Variants in SYNE2 observed in about 807,000 individuals in gnomAD.
SYNE2 encodes the protein spectrin repeat containing nuclear envelope protein 2, also known as nesprin-2.
A neutral mutation model predicts 856.3 loss-of-function variants in SYNE2; 431 were observed. That is an observed-to-expected ratio of 0.50 (90% confidence interval 0.47 to 0.55). The LOEUF is 0.55. SYNE2 is among the 20% of genes least tolerant of loss of function. The pLI is 0.00. For synonymous variants in SYNE2, 2,923 were observed against 2,872.3 expected (o/e 1.02, Z -0.56); for missense variants, 8,129 against 8,023.2 (o/e 1.01, Z -0.50).
At chr14:63,933,730 G>C (rs1353157124) in intron 2 of SYNE2, among the ~76,000 whole-genome samples, 1 of 152,134 alleles carries the variant, frequency 6.6e-6, no homozygotes, top group African/African-American at 2.4e-5. Context: ...GTAGTAGATT[G>C]TATTATTCTC....
intron 47 of SYNE2, among the ~76,000 whole-genome samples, chr14:64,050,742 G>GA (rs2097219378): frequency 6.6e-6 from 1 of 152,084 alleles, no homozygotes; most frequent in Non-Finnish European, 1.5e-5. Context: ...TTTTAGGCCA[G>GA]ACGTGGTTGC....
intron 1 of SYNE2, among the ~76,000 whole-genome samples, chr14:63,808,923 T>C (rs1888497098): frequency 6.6e-6 from 1 of 152,108 alleles, no homozygotes; most frequent in African/African-American, 2.4e-5. Context: ...CTCGGGAGGC[T>C]GAGGCAGGAG....
At chr14:64,066,272 G>A (rs2097357787) in intron 51 of SYNE2, among the ~76,000 whole-genome samples, 1 of 152,156 alleles carries the variant, frequency 6.6e-6, no homozygotes, top group South Asian at 2.1e-4. Context: ...GGCTGAGACA[G>A]GAGAATCGCT....
intron 80 of SYNE2, among the ~76,000 whole-genome samples, chr14:64,140,644 C>T (rs1595792319): frequency 6.6e-6 from 1 of 152,276 alleles, no homozygotes; most frequent in East Asian, 1.9e-4. Context: ...GACCCAAAAA[C>T]AACTTTATAA....
Position 64,167,532 on chromosome 14 carries a change from T to C in SYNE2, c.16798T>C (p.Tyr5600His), listed in dbSNP as rs775421588. The change falls in exon 92 of 116, where the codon TAT becomes CAT. Residue 5600 changes from tyrosine (Y) to histidine (H), a missense_variant. By Grantham distance (83) the Tyr-to-His change is moderately conservative (BLOSUM62 2). This residue lies in a region of SYNE2 where 5,410 missense variants were observed against 5,284.8 expected (regional missense o/e 1.02). Coordinates refer to ENST00000555002, the MANE Select transcript of SYNE2 (RefSeq NM_182914.3). ...AATTGGATTGAATGAAAAGTTTCTT[T>C]ATTGCTGTGAAAAGTGGATCCAACT... is the stretch of plus-strand genomic sequence containing the variant. ...QGIGLNEKFL[Y>H]CCEKWIQLLE... 2.6e-5 allele frequency: 42 copies of C among 1,614,136 alleles called. No individual in the cohort carries two copies. In the South Asian group the frequency reaches 3.8e-4, roughly 15 times the overall value.
At chr14:63,839,568 G>A (rs369350861) in intron 1 of SYNE2, among the ~76,000 whole-genome samples, 5 of 152,104 alleles carry the variant, frequency 3.3e-5, no homozygotes, top group Non-Finnish European at 7.3e-5. Context: ...AGTGGCTTAT[G>A]CCTGTAATCC....
intron 94 of SYNE2, 128 bp from the exon 95 acceptor site, chr14:64,174,816 C>G: frequency 1.2e-6 from 1 of 819,744 alleles, no homozygotes. Flanking sequence ...ACATTCTGAC[C>G]CAATTTGTCT....
chr14:63,784,928 A>T (rs757494592), intron 1 of SYNE2, among the ~76,000 whole-genome samples: 2 of 148,022 alleles, frequency 1.4e-5, no homozygotes, highest in African/African-American at 2.5e-5. Flanking sequence ...CATCTACTAA[A>T]TTCAGTGGTG....
At chr14:64,112,968 T>C (rs1401558293) in intron 65 of SYNE2, 4 of 980,878 alleles carry the variant, frequency 4.1e-6, no homozygotes, top group African/African-American at 3.5e-5. Context: ...AATGTAAGCA[T>C]TGCTTAATCA....
chr14:64,154,721 AGGT>A (rs1262912506), intron 85 of SYNE2, among the ~76,000 whole-genome samples: 2 of 145,114 alleles, frequency 1.4e-5, no homozygotes, highest in Non-Finnish European at 3.0e-5. Context: ...TGAGCCTGGG[AGGT>A]GGAAGGAGCA....
chr14:64,177,967 A>T (rs534310772), intron 96 of SYNE2, among the ~76,000 whole-genome samples: 21 of 152,332 alleles, frequency 1.4e-4, no homozygotes, highest in African/African-American at 4.8e-4. Context: ...AACTTCCTGG[A>T]TATTTTAGGC....
chr14:64,056,493 A>G (rs575001796), intron 49 of SYNE2, among the ~76,000 whole-genome samples: 1 of 151,484 alleles, frequency 6.6e-6, no homozygotes, highest in South Asian at 2.1e-4. Context: ...TTTCCTATTT[A>G]ATATTGGGTA....
At chr14:63,966,574 C>CA (rs1325290518) in intron 10 of SYNE2, among the ~76,000 whole-genome samples, 2 of 151,470 alleles carry the variant, frequency 1.3e-5, no homozygotes, top group African/African-American at 2.4e-5. Flanking sequence ...TTTTTCCCCC[C>CA]CCGAGACAGG....
chr14:64,026,799 G>T, intron 42 of SYNE2, 69 bp downstream of exon 42: 10 of 1,531,384 alleles, frequency 6.5e-6, no homozygotes, highest in Non-Finnish European at 8.9e-6. Flanking sequence ...AGTATGTTTT[G>T]TCTGCCCCCT....
rs1392321779 is a variant in SYNE2, at chr14:64,003,031, AATTC to A, written c.4101_4104del (p.His1368Ter). On this transcript the variant is annotated frameshift_variant, in exon 30 of 116. Transcript: ENST00000555002. LOFTEE classifies it high-confidence loss of function. ...TGACAGTAAAAAATAAAGAGGGAGA[AATTC>A]ATCTGATGAAAGACAAGGCCAAACA... 2 of 1,614,054 alleles carry A rather than the reference AATTC, an allele frequency of 1.2e-6. No homozygotes were observed. Among genetic ancestry groups the A allele is most frequent in the Non-Finnish European group, 1.7e-6 (2 of 1,180,034 alleles).
intron 2 of SYNE2, among the ~76,000 whole-genome samples, chr14:63,935,767 G>A (rs11624179): frequency 0.98 from 149,046 of 152,326 alleles, 72,937 homozygotes; most frequent in East Asian, 1. Flanking sequence ...TAATTCCAGC[G>A]CTTCGGGAGG....
chr14:63,915,845 C>T (rs1227700777), intron 2 of SYNE2, among the ~76,000 whole-genome samples: 1 of 152,048 alleles, frequency 6.6e-6, no homozygotes, highest in Admixed American at 6.6e-5. Context: ...TACTGAGTAT[C>T]CATCTGAAGG....
chr14:63,954,725 G>A lies in SYNE2; in HGVS notation c.597G>A (p.Glu199=), dbSNP rs1159432903. 1 of 1,613,794 alleles carries A rather than the reference G, an allele frequency of 6.2e-7. No homozygotes were observed. Among genetic ancestry groups the A allele is most frequent in the African/African-American group, 1.3e-5 (1 of 74,888 alleles). Residue 199 remains glutamate (E), a synonymous_variant, in exon 8 of 116, where the codon GAG becomes GAA. Transcript: ENST00000555002. ...TTTTGTCTTTTTATGATAGCTATGA[G>A]TCTGTCAATGTGACCGATTTTAAGT... ...LWAQEQCATY[E]SVNVTDFKSS...
At chr14:63,983,401 G>A (rs2096601349) in intron 17 of SYNE2, among the ~76,000 whole-genome samples, 1 of 151,958 alleles carries the variant, frequency 6.6e-6, no homozygotes, top group Non-Finnish European at 1.5e-5. Context: ...TTTTACTGTA[G>A]AGCTTTCTAG....
Sources: allele counts gnomAD v4.1 joint callset (sites outside exome capture counted in the v4.1 genomes callset), GRCh38; gene constraint gnomAD v4.1.1; regional missense constraint gnomAD v4.1.1; transcripts MANE v1.5; gene names NCBI Gene and HGNC (gene_info 2026-07-23, HGNC 2026-07-21).